Variants in TMPRSS15 observed in about 807,000 individuals in gnomAD.
TMPRSS15 encodes transmembrane serine protease 15, also known as enteropeptidase.
In TMPRSS15, 128 loss-of-function variants were observed where a neutral mutation model predicts 125.3. That is an observed-to-expected ratio of 1.02 (90% CI 0.89 to 1.18). The LOEUF (loss-of-function observed/expected upper bound fraction) is 1.18, where lower values mean the gene tolerates loss of function less well. Ranked by LOEUF, TMPRSS15 falls within the 50% of genes most tolerant of loss-of-function variation. The pLI, the probability that TMPRSS15 is intolerant of heterozygous loss-of-function variation, is 0.00. For synonymous variants in TMPRSS15, 446 were observed against 423.2 expected (o/e 1.05, Z -0.66); for missense variants, 1,283 against 1,212.7 (o/e 1.06, Z -0.86).
At chr21:18,353,660 A>C in intron 9 of TMPRSS15, 63 bp downstream of exon 9, 2 of 1,497,410 alleles carry the variant, frequency 1.3e-6, no homozygotes, top group Non-Finnish European at 1.8e-6. Flanking sequence ...TGCTACCTTT[A>C]AAATTCCATC....
At chr21:18,286,232 T>C (rs972962298) in intron 21 of TMPRSS15, among the ~76,000 whole-genome samples, 1 of 152,206 alleles carries the variant, frequency 6.6e-6, no homozygotes, top group Non-Finnish European at 1.5e-5. Context: ...AAACTCTAAA[T>C]TTTAGAATAT....
intron 18 of TMPRSS15, among the ~76,000 whole-genome samples, chr21:18,307,606 A>T: frequency 6.6e-6 from 1 of 152,166 alleles, no homozygotes; most frequent in East Asian, 1.9e-4. Context: ...TGTCTTATTT[A>T]TTCATGGAAC....
chr21:18,461,412 G>T (rs2122952554), intron 1 of TMPRSS15, among the ~76,000 whole-genome samples: 1 of 152,044 alleles, frequency 6.6e-6, no homozygotes, highest in East Asian at 1.9e-4. Flanking sequence ...TCAGTGATTG[G>T]CTTTCTGTGT....
At chr21:18,323,388 G>A (rs1322003863) in intron 16 of TMPRSS15, among the ~76,000 whole-genome samples, 1 of 152,178 alleles carries the variant, frequency 6.6e-6, no homozygotes, top group African/African-American at 2.4e-5. Context: ...AGGCAAGAGA[G>A]AGCATGTGCA....
chr21:18,420,740 G>A (rs1483693562), intron 1 of TMPRSS15, among the ~76,000 whole-genome samples: 2 of 152,102 alleles, frequency 1.3e-5, no homozygotes, highest in African/African-American at 4.8e-5. Flanking sequence ...TACTGCCTGC[G>A]AGATTCACAA....
intron 18 of TMPRSS15, among the ~76,000 whole-genome samples, chr21:18,305,316 G>C (rs1244285452): frequency 6.7e-6 from 1 of 148,656 alleles, no homozygotes; most frequent in African/African-American, 2.5e-5. Flanking sequence ...AGCCTCCCGA[G>C]TAGCTGGGAC....
intron 1 of TMPRSS15, among the ~76,000 whole-genome samples, chr21:18,428,354 G>A (rs554130410): frequency 2.0e-5 from 3 of 152,266 alleles, no homozygotes; most frequent in East Asian, 1.9e-4. Flanking sequence ...CCCATCTTCC[G>A]AGGAGAAATT....
rs1240890211 is a variant in TMPRSS15, at chr21:18,332,115, G to T, written c.1623C>A (p.Asn541Lys). Residue 541 changes from asparagine (N) to lysine (K), a missense_variant, in exon 14 of 25, where the codon AAC (asparagine) becomes AAA (lysine). Coordinates refer to ENST00000284885, the MANE Select transcript of TMPRSS15 (RefSeq NM_002772.3). ...WEPNTTFSST[N>K]FPNSYPNLAF... ...CCAGATTAGGGTAGCTGTTTGGAAA[G>T]TTCGTAGAACTGAATGTTGTATTTG... is the stretch of plus-strand genomic sequence containing the variant. 8 of 1,613,960 alleles carry T rather than the reference G, an allele frequency of 5.0e-6. No homozygotes were observed. The highest frequency in any genetic ancestry group is 3.3e-5 in the Admixed American group (2 of 60,000).
intron 21 of TMPRSS15, among the ~76,000 whole-genome samples, chr21:18,289,722 A>C (rs1444857134): frequency 6.6e-6 from 1 of 152,192 alleles, no homozygotes; most frequent in Non-Finnish European, 1.5e-5. Context: ...CCCTGTCACT[A>C]ATTTCATCTT....
chr21:18,472,377 TCAGGTAGCC>T (rs1978796979), intron 1 of TMPRSS15, among the ~76,000 whole-genome samples: 1 of 151,350 alleles, frequency 6.6e-6, no homozygotes, highest in African/African-American at 2.4e-5. Context: ...GGGGTTCAAT[TCAGGTAGCC>T]AATTATTTGA....
chr21:18,404,599 C>A (rs2076133628), upstream of TMPRSS15, among the ~76,000 whole-genome samples: 1 of 152,032 alleles, frequency 6.6e-6, no homozygotes, highest in African/African-American at 2.4e-5. Context: ...AGTTCAGGAA[C>A]TTTAAAACAC....
intron 10 of TMPRSS15, among the ~76,000 whole-genome samples, chr21:18,345,763 T>C (rs1189174319): frequency 2.8e-4 from 13 of 45,644 alleles, no homozygotes; most frequent in East Asian, 8.0e-4. Context: ...AAAAAAAAAA[T>C]CCACTGAATA....
chr21:18,279,468 G>A (rs2074665376), intron 22 of TMPRSS15, among the ~76,000 whole-genome samples: 1 of 150,640 alleles, frequency 6.6e-6, no homozygotes, highest in African/African-American at 2.4e-5. Context: ...TGGGACTACA[G>A]GCGCCCGCCA....
At chr21:18,369,687 T>A (rs765899933) in intron 6 of TMPRSS15, among the ~76,000 whole-genome samples, 1 of 152,070 alleles carries the variant, frequency 6.6e-6, no homozygotes, top group Non-Finnish European at 1.5e-5. Context: ...AACTTCATAT[T>A]GGAAAAATTC....
chr21:18,370,226 A>G (rs1490102381), intron 6 of TMPRSS15, among the ~76,000 whole-genome samples: 2 of 152,150 alleles, frequency 1.3e-5, no homozygotes, highest in African/African-American at 4.8e-5. Context: ...AACTTATTTT[A>G]GGACAAATTA....
intron 10 of TMPRSS15, among the ~76,000 whole-genome samples, chr21:18,346,100 T>C (rs2075506144): frequency 6.6e-6 from 1 of 152,084 alleles, no homozygotes; most frequent in Non-Finnish European, 1.5e-5. Context: ...TAAAATAATA[T>C]ATAACATTAA....
chr21:18,357,409 G>C (rs1181694995), intron 8 of TMPRSS15, among the ~76,000 whole-genome samples: 1 of 151,720 alleles, frequency 6.6e-6, no homozygotes, highest in East Asian at 1.9e-4. Flanking sequence ...GGAAAAAAAT[G>C]CCTTTAGGAT....
chr21:18,404,667 T>C (rs929060225), upstream of TMPRSS15, among the ~76,000 whole-genome samples: 9 of 152,076 alleles, frequency 5.9e-5, no homozygotes, highest in Non-Finnish European at 1.2e-4. Context: ...GTGACTTTTA[T>C]TCTGGTAAAT....
intron 1 of TMPRSS15, among the ~76,000 whole-genome samples, chr21:18,479,850 A>G (rs1978948083): frequency 6.6e-6 from 1 of 152,086 alleles, no homozygotes; most frequent in Admixed American, 6.6e-5. Flanking sequence ...AGGATCTAGA[A>G]CTAGAAATAC....
Sources: allele counts gnomAD v4.1 joint callset (sites outside exome capture counted in the v4.1 genomes callset), GRCh38; gene constraint gnomAD v4.1.1; transcripts MANE v1.5; gene names NCBI Gene and HGNC (gene_info 2026-07-23, HGNC 2026-07-21).